Variants in ELK3 observed in about 807,000 individuals in gnomAD.
ELK3 encodes the protein ETS transcription factor ELK3.
In ELK3, 10 loss-of-function variants were observed where a neutral mutation model predicts 28.9. That is an observed-to-expected ratio of 0.35 (90% CI 0.21 to 0.59). The LOEUF (loss-of-function observed/expected upper bound fraction) is 0.59. ELK3 is among the 20% of genes least tolerant of loss of function. The pLI is 0.82. For synonymous variants in ELK3, 272 were observed against 243.5 expected (o/e 1.12, Z -1.09); for missense variants, 463 against 517.3 (o/e 0.90, Z 1.02).
intron 3 of ELK3, among the ~76,000 whole-genome samples, chr12:96,257,063 G>A (rs1443180722): frequency 6.6e-6 from 1 of 152,204 alleles, no homozygotes; most frequent in African/African-American, 2.4e-5. Flanking sequence ...TGCCATGCTT[G>A]TTAAAACGAG....
chr12:96,262,588 G>A (rs1010333713), intron 4 of ELK3, among the ~76,000 whole-genome samples: 4 of 151,966 alleles, frequency 2.6e-5, no homozygotes, highest in Non-Finnish European at 5.9e-5. Flanking sequence ...TTTTGTGGCT[G>A]GATCCAGGAG....
At chr12:96,207,004 A>T (rs1951542141) in intron 1 of ELK3, among the ~76,000 whole-genome samples, 1 of 152,202 alleles carries the variant, frequency 6.6e-6, no homozygotes, top group South Asian at 2.1e-4. Context: ...GCATTATGAG[A>T]AGACTGTTAA....
chr12:96,214,864 T>A (rs1454929422), intron 1 of ELK3, among the ~76,000 whole-genome samples: 3 of 152,216 alleles, frequency 2.0e-5, no homozygotes, highest in Admixed American at 2.0e-4. Context: ...TCATTTTCTA[T>A]AATGAAATGG....
chr12:96,241,202 C>T (rs1951818467), intron 2 of ELK3, among the ~76,000 whole-genome samples: 1 of 152,200 alleles, frequency 6.6e-6, no homozygotes, highest in Non-Finnish European at 1.5e-5. Flanking sequence ...GTCAGTTCTC[C>T]TTATAGTTGG....
intron 3 of ELK3, among the ~76,000 whole-genome samples, chr12:96,256,776 G>A (rs779316681): frequency 1.3e-5 from 2 of 152,234 alleles, no homozygotes; most frequent in Non-Finnish European, 2.9e-5. Context: ...TCAGGAAAGT[G>A]TCCTTGGAGG....
chr12:96,223,721 C>G lies in ELK3; in HGVS notation c.155C>G (p.Thr52Arg), dbSNP rs769732719. The change falls in exon 2 of 5, where the codon ACA (threonine) becomes AGA (arginine). Residue 52 changes from threonine to arginine, a missense_variant. Around this residue, in one of 2 missense-constraint regions of ELK3, gnomAD observed 55 missense variants for 102.5 expected, o/e 0.54. Transcript: ENST00000228741. ...AKLWGLRKNK[T>R]NMNYDKLSRA... ...CTGTGGGGACTCCGAAAAAACAAAACAAATATGAACTATGATAAGCTGAGC... is the reference window on the plus strand; with the variant it reads ...CTGTGGGGACTCCGAAAAAACAAAAGAAATATGAACTATGATAAGCTGAGC... The G allele has an allele frequency of 1.9e-6, 3 of 1,613,982 alleles. No individual in the cohort carries two copies. The highest frequency in any genetic ancestry group is 1.3e-5 in the African/African-American group (1 of 74,886).
intron 2 of ELK3, among the ~76,000 whole-genome samples, chr12:96,242,986 T>C: frequency 6.6e-6 from 1 of 152,152 alleles, no homozygotes; most frequent in East Asian, 1.9e-4. Context: ...TGGTGTCCTC[T>C]CTGCTCCCCC....
At chr12:96,195,552 G>C (rs539248098) in intron 1 of ELK3, among the ~76,000 whole-genome samples, 3 of 152,286 alleles carry the variant, frequency 2.0e-5, no homozygotes, top group East Asian at 3.9e-4. Context: ...TCTTGGTTTT[G>C]TTATCTTTTC....
chr12:96,229,884 C>T (rs1435578889), intron 2 of ELK3, among the ~76,000 whole-genome samples: 6 of 152,104 alleles, frequency 3.9e-5, no homozygotes, highest in Non-Finnish European at 7.4e-5. Context: ...CACCTTAATG[C>T]ATTATGACCT....
chr12:96,225,339 G>C (rs1454912984), intron 2 of ELK3, among the ~76,000 whole-genome samples: 1 of 152,224 alleles, frequency 6.6e-6, no homozygotes, highest in Non-Finnish European at 1.5e-5. Context: ...GGGGCTTAAG[G>C]GTTGTGTCTC....
intron 2 of ELK3, among the ~76,000 whole-genome samples, chr12:96,239,889 A>G (rs1436297335): frequency 1.3e-5 from 2 of 152,128 alleles, no homozygotes; most frequent in African/African-American, 4.8e-5. Flanking sequence ...TGTCTGCACC[A>G]CCTTTCGGGG....
intron 2 of ELK3, among the ~76,000 whole-genome samples, chr12:96,231,339 T>G (rs1951740464): frequency 6.6e-6 from 1 of 152,234 alleles, no homozygotes. Context: ...CTCCTTAACA[T>G]CAGACAGATG....
rs948141679 is a variant in ELK3, at chr12:96,243,205, A to G, written c.208-3735A>G. On this transcript the variant is annotated intron_variant, in intron 2 of 4. Coordinates refer to ENST00000228741, the MANE Select transcript of ELK3 (RefSeq NM_005230.4). ...ATACCATACAATTCACCCATTTACC[A>G]TATACAGTTCAGTGGCTCTGAGTAT... 1.1e-4 allele frequency among the ~76,000 whole-genome samples: 16 copies of G among 152,168 alleles called. 1 individual carries two copies. Among genetic ancestry groups the G allele is most frequent in the Admixed American group, 2.6e-4 (4 of 15,276 alleles).
intron 1 of ELK3, among the ~76,000 whole-genome samples, chr12:96,219,664 G>A (rs751731445): frequency 6.6e-6 from 1 of 152,194 alleles, no homozygotes; most frequent in African/African-American, 2.4e-5. Context: ...GATGGCTCTG[G>A]CCAGAGAGGA....
chr12:96,266,253 C>T (rs183685728), intron 4 of ELK3, among the ~76,000 whole-genome samples: 4 of 152,244 alleles, frequency 2.6e-5, no homozygotes, highest in African/African-American at 2.4e-5. Context: ...TGATATTTGG[C>T]GCTGAAGTTT....
chr12:96,247,380 G>A lies in ELK3; in HGVS notation c.648G>A (p.Ser216=), dbSNP rs200581571. The A allele has an allele frequency of 1.6e-5, 26 of 1,614,122 alleles. No individual in the cohort carries two copies. The highest frequency in any genetic ancestry group is 8.9e-5 in the East Asian group (4 of 44,886). Residue 216 remains serine (S), a synonymous_variant, in exon 3 of 5, where the codon TCG becomes TCA. Transcript: ENST00000228741. The surrounding 1 kb of genome is among the most constrained non-coding windows in gnomAD (Gnocchi z 5.5). ...EAAAASAFLA[S]SVSAKISSLM... ...CGGCGGCGTCCGCCTTCCTGGCCTC[G>A]TCCGTCTCGGCCAAGATCTCCTCTT...
intron 2 of ELK3, among the ~76,000 whole-genome samples, chr12:96,230,633 G>C (rs1048659837): frequency 2.0e-5 from 3 of 152,198 alleles, no homozygotes; most frequent in Non-Finnish European, 2.9e-5. Flanking sequence ...GGGATTCAGA[G>C]TTGCTGGGAA....
At chr12:96,259,976 G>A in intron 4 of ELK3, 123 bp downstream of exon 4, 1 of 1,334,268 alleles carries the variant, frequency 7.5e-7, no homozygotes, top group South Asian at 1.8e-5. Context: ...TGTCCAGAGG[G>A]GGTTCATGTT....
At chr12:96,253,106 C>CA (rs767509567) in intron 3 of ELK3, among the ~76,000 whole-genome samples, 37 of 152,264 alleles carry the variant, frequency 2.4e-4, no homozygotes, top group Non-Finnish European at 4.7e-4. Flanking sequence ...ACTAAAAGTA[C>CA]AAAAATTAGC....
Sources: allele counts gnomAD v4.1 joint callset (sites outside exome capture counted in the v4.1 genomes callset), GRCh38; gene constraint gnomAD v4.1.1; regional missense constraint gnomAD v4.1.1; non-coding constraint Gnocchi (gnomAD v3.1); transcripts MANE v1.5; gene names NCBI Gene and HGNC (gene_info 2026-07-23, HGNC 2026-07-21).